Variants in ETFA observed in about 807,000 individuals in gnomAD.
ETFA encodes the protein electron transfer flavoprotein subunit alpha, mitochondrial.
Under a neutral mutation model 46.2 loss-of-function variants are expected in ETFA, and 22 were observed. That is an observed-to-expected ratio of 0.48 (90% CI 0.34 to 0.68). The LOEUF is 0.68. Ranked by LOEUF, ETFA falls within the 30% of genes least tolerant of loss-of-function variation. The probability of loss-of-function intolerance (pLI) is 0.01; values close to 1 mark genes in which losing one functional copy is unlikely to be tolerated. For missense variants in ETFA, 345 were observed against 401.1 expected, an observed-to-expected ratio of 0.86 and a Z score of 1.19; for synonymous variants, 131 against 139.9, an observed-to-expected ratio of 0.94 and a Z score of 0.45.
At chr15:76,270,601 T>C (rs558615201) in intron 9 of ETFA, among the ~76,000 whole-genome samples, 10 of 152,260 alleles carry the variant, frequency 6.6e-5, no homozygotes, top group African/African-American at 2.4e-4. Context: ...TCTAAATACT[T>C]TTCTTCAGCA....
chr15:76,293,384 G>A (rs1325143260), intron 2 of ETFA, among the ~76,000 whole-genome samples: 1 of 152,130 alleles, frequency 6.6e-6, no homozygotes, highest in Non-Finnish European at 1.5e-5. Flanking sequence ...CCTGGAAATG[G>A]TGAAAATGAA....
At chr15:76,290,556 G>T (rs1189166071) in intron 4 of ETFA, among the ~76,000 whole-genome samples, 1 of 150,574 alleles carries the variant, frequency 6.6e-6, no homozygotes, top group African/African-American at 2.4e-5. Context: ...TCACTGTATT[G>T]CCCAGGCTGG....
intron 1 of ETFA, among the ~76,000 whole-genome samples, chr15:76,308,312 C>T (rs181409314): frequency 6.6e-6 from 1 of 152,184 alleles, no homozygotes; most frequent in South Asian, 2.1e-4. Context: ...CTCAATGAAT[C>T]GCCTCACAAA....
At chr15:76,227,856 T>C (rs1418197652) in intron 10 of ETFA, 3 of 455,974 alleles carry the variant, frequency 6.6e-6, no homozygotes, top group Non-Finnish European at 4.4e-6. Context: ...GTGCAGAAGA[T>C]GCCAGAATGT....
At chr15:76,228,236 G>C in intron 10 of ETFA, 1 of 346,434 alleles carries the variant, frequency 2.9e-6, no homozygotes, top group South Asian at 2.3e-5. Flanking sequence ...GCTCAGGCTG[G>C]AGTGCAGTGG....
At chr15:76,282,828 GA>G (rs1347907781) in intron 8 of ETFA, among the ~76,000 whole-genome samples, 1 of 152,068 alleles carries the variant, frequency 6.6e-6, no homozygotes, top group African/African-American at 2.4e-5. Flanking sequence ...TCTTTAAAAA[GA>G]TTTTTTTTCA....
At chr15:76,293,808 T>C (rs755149149) in intron 2 of ETFA, among the ~76,000 whole-genome samples, 62 of 152,260 alleles carry the variant, frequency 4.1e-4, no homozygotes, top group Non-Finnish European at 7.8e-4. Context: ...CTAAACCAAG[T>C]GTTCACCGGC....
At chr15:76,277,821 C>G (rs115134792) in intron 8 of ETFA, among the ~76,000 whole-genome samples, 1 of 152,116 alleles carries the variant, frequency 6.6e-6, no homozygotes, top group South Asian at 2.1e-4. Flanking sequence ...GTTTTTAACA[C>G]GGAACCTCCA....
chr15:76,275,314 G>A (rs2039580661), intron 8 of ETFA, among the ~76,000 whole-genome samples: 1 of 152,144 alleles, frequency 6.6e-6, no homozygotes, highest in African/African-American at 2.4e-5. Flanking sequence ...TTATTAAAAT[G>A]TAAGTTTTAG....
chr15:76,259,348 C>T (rs2039377947), intron 9 of ETFA: 2 of 1,591,768 alleles, frequency 1.3e-6, no homozygotes, highest in Non-Finnish European at 1.7e-6. Flanking sequence ...TTGGGGTCAG[C>T]ACTCCAGCAC....
intron 11 of ETFA, among the ~76,000 whole-genome samples, chr15:76,220,155 C>T (rs1026416880): frequency 3.3e-5 from 5 of 152,212 alleles, no homozygotes; most frequent in African/African-American, 7.2e-5. Flanking sequence ...CTTCTGCCTC[C>T]TCCCAAGTTC....
At chr15:76,304,275 A>C (rs2039913908) in intron 1 of ETFA, among the ~76,000 whole-genome samples, 2 of 152,162 alleles carry the variant, frequency 1.3e-5, no homozygotes, top group African/African-American at 2.4e-5. Context: ...AACAATAGAT[A>C]CCTGGGCCTA....
At chr15:76,263,586 G>T (rs140994578) in intron 9 of ETFA, among the ~76,000 whole-genome samples, 168 of 152,344 alleles carry the variant, frequency 1.1e-3, no homozygotes, top group Non-Finnish European at 2.2e-3. Context: ...GTACAGTAAA[G>T]CAGTTTTGCC....
intron 4 of ETFA, among the ~76,000 whole-genome samples, chr15:76,290,333 C>CTTTTTTTTTTTTT (rs10682432): frequency 3.3e-4 from 32 of 97,142 alleles, no homozygotes; most frequent in African/African-American, 7.4e-4. Context: ...AGTCGCTACT[C>CTTTTTTTTTTTTT]TTTTTTTTTT....
intron 9 of ETFA, chr15:76,260,030 T>C (rs947478919): frequency 2.0e-6 from 3 of 1,480,164 alleles, no homozygotes; most frequent in African/African-American, 2.8e-5. Context: ...TCAATGTCAC[T>C]TGAGGCAATG....
At chr15:76,226,827 C>T (rs932841107) in intron 10 of ETFA, among the ~76,000 whole-genome samples, 2 of 151,306 alleles carry the variant, frequency 1.3e-5, no homozygotes, top group African/African-American at 2.4e-5. Flanking sequence ...TGCAGTGAGC[C>T]GAGATCGCGC....
intron 10 of ETFA, among the ~76,000 whole-genome samples, chr15:76,227,010 C>A (rs1316426617): frequency 6.6e-6 from 1 of 152,136 alleles, no homozygotes; most frequent in African/African-American, 2.4e-5. Context: ...GCTTTAAGTC[C>A]TTATGTACAT....
chr15:76,253,337 G>C (rs1472189186), intron 9 of ETFA, among the ~76,000 whole-genome samples: 1 of 152,044 alleles, frequency 6.6e-6, no homozygotes. Context: ...GGCATCCTTT[G>C]AGTATTACAT....
At chr15:76,259,108 G>T in intron 9 of ETFA, 1 of 1,529,612 alleles carries the variant, frequency 6.5e-7, no homozygotes, top group Non-Finnish European at 9.1e-7. Context: ...CCAGGGGTGA[G>T]GATGTATCAA....
Sources: allele counts gnomAD v4.1 joint callset (sites outside exome capture counted in the v4.1 genomes callset), GRCh38; gene constraint gnomAD v4.1.1; transcripts MANE v1.5; gene names NCBI Gene and HGNC (gene_info 2026-07-23, HGNC 2026-07-21).